Variants in DOCK4 observed in about 807,000 individuals in gnomAD.
DOCK4 encodes the protein dedicator of cytokinesis protein 4.
A neutral mutation model predicts 268.1 loss-of-function variants in DOCK4; 97 were observed. The ratio of observed to expected loss-of-function variants is 0.36; its 90% confidence interval spans 0.31 to 0.43. The LOEUF (loss-of-function observed/expected upper bound fraction) is 0.43, where lower values mean the gene tolerates loss of function less well. Among genes scored for constraint, DOCK4 ranks in the 20% least tolerant of loss-of-function variants. The pLI, the probability that DOCK4 is intolerant of heterozygous loss-of-function variation, is 1.00. For synonymous variants in DOCK4, 954 were observed against 887.2 expected, an observed-to-expected ratio of 1.08 and a Z score of -1.34; for missense variants, 2,145 against 2,455.7, an observed-to-expected ratio of 0.87 and a Z score of 2.67.
At chr7:112,186,475 T>C (rs1445422306) in intron 1 of DOCK4, among the ~76,000 whole-genome samples, 1 of 152,202 alleles carries the variant, frequency 6.6e-6, no homozygotes, top group East Asian at 1.9e-4. Context: ...TGGATAAGAA[T>C]AGTACTCACA....
rs570543591 is a variant in DOCK4 at position 112,011,483 on chromosome 7, T to G, written c.38-7352A>C. ...TAAGGATTTTGCTAAGTTTTTCATG[T>G]GTTAGTTCTAACCTTCTATGACACA... On this transcript the variant is annotated intron_variant, in intron 1 of 52. Coordinates refer to ENST00000428084, the MANE Select transcript of DOCK4 (RefSeq NM_001363540.2). 2.0e-5 allele frequency among the ~76,000 whole-genome samples: 3 copies of G among 152,190 alleles called. No homozygotes were observed. In the South Asian group the frequency reaches 6.2e-4, roughly 32 times the overall value.
intron 26 of DOCK4, among the ~76,000 whole-genome samples, chr7:111,824,797 C>T (rs1299354564): frequency 6.6e-6 from 1 of 152,166 alleles, no homozygotes; most frequent in Non-Finnish European, 1.5e-5. Context: ...TCACATTTAT[C>T]TCCCACTATA....
chr7:111,951,252 C>A (rs1796023789), intron 8 of DOCK4, among the ~76,000 whole-genome samples: 1 of 152,152 alleles, frequency 6.6e-6, no homozygotes, highest in Non-Finnish European at 1.5e-5. Flanking sequence ...CAAATGTGTA[C>A]CCTGTGCCAG....
intron 16 of DOCK4, among the ~76,000 whole-genome samples, chr7:111,891,640 C>T (rs1194236636): frequency 6.6e-6 from 1 of 152,164 alleles, no homozygotes; most frequent in Admixed American, 6.5e-5. Context: ...AGGATATACA[C>T]ATTTAAAATT....
At chr7:112,156,475 C>T (rs1816624117) in intron 1 of DOCK4, among the ~76,000 whole-genome samples, 1 of 152,164 alleles carries the variant, frequency 6.6e-6, no homozygotes, top group Non-Finnish European at 1.5e-5. Context: ...TTTGGTTAAT[C>T]AGTGAGCCAG....
chr7:111,758,552 T>C (rs1797186259), intron 41 of DOCK4, 72 bp downstream of exon 41: 1 of 1,519,844 alleles, frequency 6.6e-7, no homozygotes, highest in East Asian at 2.3e-5. Context: ...AGTAAATATT[T>C]ACCAAGGGCT....
In DOCK4 at chr7:111,877,111, T is replaced by C. The variant is rs1806957537; in HGVS notation, c.1663A>G (p.Asn555Asp). Residue 555 changes from asparagine to aspartate, a missense_variant, in exon 17 of 53, where the codon AAT becomes GAT. Asn to Asp is a conservative substitution (Grantham distance 23). This residue lies in a region of DOCK4 where 1,598 missense variants were observed against 1,986.7 expected (regional missense o/e 0.80). Coordinates refer to ENST00000428084, the MANE Select transcript of DOCK4 (RefSeq NM_001363540.2). ...LPFSKGIFLG[N>D]NNQAMKATKE... ...GTGGCCTTCATGGCTTGATTATTAT[T>C]CCCAAGGAAAATGCCCTTGGAAAAG... 6.3e-7 allele frequency: 1 copy of C among 1,593,972 alleles called. No homozygotes were observed.
chr7:112,058,331 G>T (rs928971611), intron 1 of DOCK4, among the ~76,000 whole-genome samples: 1 of 152,046 alleles, frequency 6.6e-6, no homozygotes, highest in Non-Finnish European at 1.5e-5. Context: ...TCTACTCCAA[G>T]ATGGCTCCAA....
rs759709497 is a variant in DOCK4 at position 112,125,128 on chromosome 7, A to G, written c.37+80974T>C. Among the ~76,000 whole-genome samples the G allele has an allele frequency of 5.3e-5, 8 of 152,330 alleles. No individual in the cohort carries two copies. In the South Asian group the frequency reaches 6.2e-4, roughly 12 times the overall value. ...AAATTACATATGAATGAATAAAGGG[A>G]TAAGTCAGTTTACTCTCAGGTAATT... On this transcript the variant is annotated intron_variant, in intron 1 of 52. Coordinates refer to ENST00000428084, the MANE Select transcript of DOCK4 (RefSeq NM_001363540.2).
At chr7:111,748,196 A>G (rs1032585753) in intron 42 of DOCK4, among the ~76,000 whole-genome samples, 3 of 152,216 alleles carry the variant, frequency 2.0e-5, no homozygotes, top group African/African-American at 7.2e-5. Context: ...TACAATTAGC[A>G]TATTTAAATA....
chr7:111,988,690 T>G (rs1432586301), intron 6 of DOCK4, among the ~76,000 whole-genome samples: 1 of 152,206 alleles, frequency 6.6e-6, no homozygotes, highest in African/African-American at 2.4e-5. Flanking sequence ...ATGCCAAACC[T>G]AAAGCCTATT....
At chr7:112,165,394 C>T (rs958572089) in intron 1 of DOCK4, among the ~76,000 whole-genome samples, 19 of 152,114 alleles carry the variant, frequency 1.2e-4, no homozygotes, top group Admixed American at 1.0e-3. Flanking sequence ...TTTTTAGCTC[C>T]CACATATGAG....
chr7:112,182,598 G>A (rs1029627366), intron 1 of DOCK4, among the ~76,000 whole-genome samples: 1 of 152,212 alleles, frequency 6.6e-6, no homozygotes, highest in African/African-American at 2.4e-5. Context: ...GTGTGTGAGA[G>A]AGAAACACAA....
intron 1 of DOCK4, among the ~76,000 whole-genome samples, chr7:112,036,000 C>G (rs1397266046): frequency 6.6e-6 from 1 of 151,900 alleles, no homozygotes; most frequent in Non-Finnish European, 1.5e-5. Flanking sequence ...AGGAAGTTAT[C>G]TACTAGAGGG....
At chr7:111,759,960 T>C (rs1311749642) in intron 40 of DOCK4, among the ~76,000 whole-genome samples, 1 of 152,066 alleles carries the variant, frequency 6.6e-6, no homozygotes, top group African/African-American at 2.4e-5. Flanking sequence ...AAGGGAAAAA[T>C]TCTTTCAAGA....
chr7:111,927,964 T>G (rs1341950271), intron 12 of DOCK4, among the ~76,000 whole-genome samples: 2 of 152,174 alleles, frequency 1.3e-5, no homozygotes, highest in Non-Finnish European at 2.9e-5. Flanking sequence ...AAACAGGCCT[T>G]CCTAAGTTTC....
chr7:112,169,755 A>G (rs1563153033), intron 1 of DOCK4, among the ~76,000 whole-genome samples: 2 of 152,194 alleles, frequency 1.3e-5, no homozygotes, highest in Non-Finnish European at 2.9e-5. Context: ...TTCTTTCTCA[A>G]CTGCAAAATC....
At position 111,895,063 on chromosome 7, in the gene DOCK4, CAGAT is replaced by C. The variant is rs200206154; in HGVS notation, c.1587+545_1587+548del. 1.1e-3 allele frequency among the ~76,000 whole-genome samples: 145 copies of C among 130,226 alleles called. 4 individuals are homozygous for C. The East Asian group carries it at 0.028, about 25-fold the overall frequency. 85.4% of individuals were successfully genotyped at this position (130,226 alleles called of 152,430 possible). A position where few individuals can be genotyped will look rare whatever the true frequency, so the allele number is the denominator to read the frequency against. ...TATAGTTCATTATTACTAGTATTCT[CAGAT>C]AATTACAAGGGGTTCTCCTTTGCAA... On this transcript the variant is annotated intron_variant, in intron 16 of 52. Transcript: ENST00000428084.
intron 1 of DOCK4, among the ~76,000 whole-genome samples, chr7:112,121,377 C>T (rs554323617): frequency 3.9e-5 from 6 of 152,314 alleles, no homozygotes; most frequent in African/African-American, 9.6e-5. Context: ...ATGTGTTCTG[C>T]GGAGCACAGG....
Sources: gnomAD v4.1 joint callset for allele counts (sites outside exome capture counted in the v4.1 genomes callset) on GRCh38, gnomAD v4.1.1 for gene constraint, gnomAD v4.1.1 regional missense constraint, MANE v1.5 for transcripts, NCBI Gene and HGNC (gene_info 2026-07-23, HGNC 2026-07-21) for gene names.